Variants in CALHM4 observed in about 807,000 individuals in gnomAD.
CALHM4 encodes calcium homeostasis modulator protein 4.
In CALHM4, 16 loss-of-function variants were observed where a neutral mutation model predicts 13.3. The observed-to-expected ratio is 1.20, with a 90% CI of 0.81 to 1.82. CALHM4 has a LOEUF of 1.82. Among genes scored for constraint, CALHM4 ranks in the 40% most tolerant of loss-of-function variants. The pLI, the probability that CALHM4 is intolerant of heterozygous loss-of-function variation, is 0.00. For missense variants in CALHM4, 344 were observed against 374.9 expected (o/e 0.92, Z 0.68); for synonymous variants, 127 against 137.1 (o/e 0.93, Z 0.52).
chr6:116,548,418 G>GAGTAGGTAA (rs1272450338), intron 2 of CALHM4, among the ~76,000 whole-genome samples: 10 of 152,160 alleles, frequency 6.6e-5, no homozygotes, highest in Non-Finnish European at 1.5e-5. Context: ...ATCATTCACA[G>GAGTAGGTAA]TCATTAGCAA....
intron 2 of CALHM4, among the ~76,000 whole-genome samples, chr6:116,548,522 G>C (rs994291950): frequency 4.6e-5 from 7 of 152,168 alleles, no homozygotes; most frequent in African/African-American, 7.2e-5. Flanking sequence ...CTCCTTTACA[G>C]CAAGAATTTT....
upstream of CALHM4, among the ~76,000 whole-genome samples, chr6:116,553,288 C>T (rs1774161519): frequency 6.6e-6 from 1 of 152,194 alleles, no homozygotes; most frequent in Non-Finnish European, 1.5e-5. Context: ...CTTTTGAGCT[C>T]TTCTAGCAGA....
upstream of CALHM4, among the ~76,000 whole-genome samples, chr6:116,549,130 C>CA (rs1374114824): frequency 2.6e-5 from 4 of 152,028 alleles, no homozygotes; most frequent in Admixed American, 1.3e-4. Flanking sequence ...ACTAAAAATA[C>CA]AAAAAAATTA....
intron 2 of CALHM4, among the ~76,000 whole-genome samples, chr6:116,544,991 A>C (rs1773686156): frequency 6.6e-6 from 1 of 152,004 alleles, no homozygotes; most frequent in Admixed American, 6.6e-5. Flanking sequence ...ATATATAGAA[A>C]GGATGATATT....
Position 116,554,155 on chromosome 6 carries a change from T to C in CALHM4, c.362T>C (p.Val121Ala), listed in dbSNP as rs1562364256. ...ATTGCTCCTTTAACTTGGCTGGCGGTGACCCTGCTGACAGGCACGTATTAT... is the reference window on the plus strand; with the variant it reads ...ATTGCTCCTTTAACTTGGCTGGCGGCGACCCTGCTGACAGGCACGTATTAT... ...AVIAPLTWLA[V>A]TLLTGTYYEC... Residue 121 changes from valine (V) to alanine (A), a missense_variant, in exon 1 of 2, where the codon GTG becomes GCG. Physicochemically the swap from Val to Ala is moderately conservative, Grantham distance 64. Transcript: ENST00000368596. 3 of 1,550,586 alleles carry C rather than the reference T, an allele frequency of 1.9e-6. No homozygotes were observed. The highest frequency in any genetic ancestry group is 1.4e-5 in the African/African-American group (1 of 73,160).
chr6:116,541,833 G>T (rs1773482367), intron 1 of CALHM4, among the ~76,000 whole-genome samples: 1 of 152,114 alleles, frequency 6.6e-6, no homozygotes. Context: ...TACACATATT[G>T]CTTTGGTCAA....
chr6:116,555,465 T>C (rs1192318855), intron 1 of CALHM4, among the ~76,000 whole-genome samples: 1 of 152,196 alleles, frequency 6.6e-6, no homozygotes, highest in Non-Finnish European at 1.5e-5. Flanking sequence ...CTGAGTACCA[T>C]TGCCAGTAGA....
At chr6:116,535,421 C>A (rs895727688) in intron 1 of CALHM4, among the ~76,000 whole-genome samples, 2 of 152,182 alleles carry the variant, frequency 1.3e-5, no homozygotes, top group Non-Finnish European at 2.9e-5. Flanking sequence ...CAAAAGGCAA[C>A]ATTATTATAA....
At chr6:116,550,005 TATATATATATATATATATATAC>T (rs1463365922), upstream of CALHM4, among the ~76,000 whole-genome samples, 15 of 134,124 alleles carry the variant, frequency 1.1e-4, no homozygotes, top group African/African-American at 2.2e-4. Context: ...TATATATATA[TATATATATATATATATATATAC>T]ACACACACAC....
intron 2 of CALHM4, among the ~76,000 whole-genome samples, chr6:116,547,602 G>T (rs1043686946): frequency 6.6e-6 from 1 of 152,194 alleles, no homozygotes; most frequent in African/African-American, 2.4e-5. Context: ...CTAGTCTTCA[G>T]CAGCTCTTAG....
upstream of CALHM4, among the ~76,000 whole-genome samples, chr6:116,549,997 T>TC: frequency 1.3e-5 from 1 of 79,052 alleles, no homozygotes; most frequent in African/African-American, 5.6e-5. Context: ...TATATATATA[T>TC]ATATATATAT....
At chr6:116,529,896 C>G (rs367814651) in intron 1 of CALHM4, among the ~76,000 whole-genome samples, 1 of 152,044 alleles carries the variant, frequency 6.6e-6, no homozygotes, top group Non-Finnish European at 1.5e-5. Flanking sequence ...GGAGTGTGTG[C>G]GGAAGAGGGT....
chr6:116,554,440 A>G, intron 1 of CALHM4, 89 bp downstream of exon 1: 1 of 1,113,546 alleles, frequency 9.0e-7, no homozygotes, highest in Admixed American at 2.8e-5. Flanking sequence ...TGCTTCTTAT[A>G]TTCTCTGATT....
upstream of CALHM4, among the ~76,000 whole-genome samples, chr6:116,549,126 A>C (rs1464011482): frequency 6.6e-6 from 1 of 152,082 alleles, no homozygotes; most frequent in Non-Finnish European, 1.5e-5. Context: ...CTCTACTAAA[A>C]ATACAAAAAA....
chr6:116,549,778 C>T (rs796431036), upstream of CALHM4, among the ~76,000 whole-genome samples: 2 of 151,076 alleles, frequency 1.3e-5, no homozygotes, highest in South Asian at 2.1e-4. Flanking sequence ...AAGTTTGAGA[C>T]CAGCATGGCT....
chr6:116,544,028 ATAAATCACAAGAAATGCTGG>A (rs764977361), intron 2 of CALHM4, among the ~76,000 whole-genome samples: 124 of 152,092 alleles, frequency 8.2e-4, no homozygotes, highest in Non-Finnish European at 1.3e-3. Context: ...GAACCTAATA[ATAAATCACAAGAAATGCTGG>A]TAAATTATCA....
intron 1 of CALHM4, among the ~76,000 whole-genome samples, chr6:116,556,003 G>A (rs1441439338): frequency 6.6e-6 from 1 of 152,158 alleles, no homozygotes; most frequent in African/African-American, 2.4e-5. Context: ...AACATGCAAG[G>A]CTTCAACATC....
At chr6:116,543,432 G>A (rs1205100987) in intron 1 of CALHM4, 1 of 1,502,714 alleles carries the variant, frequency 6.7e-7, no homozygotes, top group African/African-American at 1.4e-5. Flanking sequence ...CTGGTTATAG[G>A]CAAGTTATGA....
Position 116,559,207 on chromosome 6 carries a change from T to C in CALHM4, c.*996T>C, listed in dbSNP as rs1774476892. Among the ~76,000 whole-genome samples the C allele has an allele frequency of 1.3e-5, 2 of 152,232 alleles. No individual in the cohort carries two copies. Among genetic ancestry groups the C allele is most frequent in the African/African-American group, 4.8e-5 (2 of 41,468 alleles). ...TCTAGATTATTTCTGTGATATATAG[T>C]GACTCGTGCCTGATTTTTGCTACGT... On this transcript the variant is annotated 3_prime_UTR_variant, in exon 2 of 2. Transcript: ENST00000368596.
Sources: gnomAD v4.1 joint callset for allele counts (sites outside exome capture counted in the v4.1 genomes callset) on GRCh38, gnomAD v4.1.1 for gene constraint, MANE v1.5 for transcripts, NCBI Gene and HGNC (gene_info 2026-07-23, HGNC 2026-07-21) for gene names.